ATP9A: variants seen among roughly 807,000 people sequenced by gnomAD.
ATP9A encodes the protein probable phospholipid-transporting ATPase IIA.
ATP9A carries 52 observed loss-of-function variants against 144.1 expected under a neutral mutation model. That is an observed-to-expected ratio of 0.36 (90% CI 0.29 to 0.45). The LOEUF (loss-of-function observed/expected upper bound fraction) is 0.45, where lower values mean the gene tolerates loss of function less well. Among genes scored for constraint, ATP9A ranks in the 20% least tolerant of loss-of-function variants. ATP9A has a pLI of 1.00. For missense variants in ATP9A, 947 were observed against 1,392.7 expected, an observed-to-expected ratio of 0.68 and a Z score of 5.09; for synonymous variants, 582 against 557.4, an observed-to-expected ratio of 1.04 and a Z score of -0.62.
At chr20:51,767,643 T>G (rs1328743914) in intron 1 of ATP9A, among the ~76,000 whole-genome samples, 1 of 152,186 alleles carries the variant, frequency 6.6e-6, no homozygotes, top group African/African-American at 2.4e-5. Context: ...GCCGTGGGAT[T>G]CCTTCCCCGA....
intron 15 of ATP9A, among the ~76,000 whole-genome samples, chr20:51,636,270 A>G (rs539847605): frequency 6.6e-6 from 1 of 152,252 alleles, no homozygotes; most frequent in African/African-American, 2.4e-5. Context: ...GGGAGGATGG[A>G]GTGGGATGGC....
At chr20:51,668,337 G>A (rs900396638) in intron 13 of ATP9A, among the ~76,000 whole-genome samples, 4 of 151,704 alleles carry the variant, frequency 2.6e-5, no homozygotes, top group African/African-American at 4.8e-5. Context: ...TTTAGGAGAT[G>A]AGGGAAGAAA....
chr20:51,665,535 A>G (rs747291281), intron 13 of ATP9A, among the ~76,000 whole-genome samples: 4 of 152,078 alleles, frequency 2.6e-5, no homozygotes, highest in Admixed American at 6.6e-5. Flanking sequence ...CCTGGCCAAC[A>G]TGGTGAAACC....
intron 1 of ATP9A, among the ~76,000 whole-genome samples, chr20:51,742,308 G>T (rs2077788426): frequency 7.1e-6 from 1 of 141,612 alleles, no homozygotes; most frequent in African/African-American, 2.7e-5. Context: ...CTAGGGGACA[G>T]AGCAAAACAC....
In ATP9A at chr20:51,625,245, G is replaced by A. The variant is rs1191299367; in HGVS notation, c.1963C>T (p.Leu655=). The A allele has an allele frequency of 1.2e-6, 2 of 1,614,154 alleles. No homozygotes were observed. The highest frequency in any genetic ancestry group is 1.3e-5 in the African/African-American group (1 of 75,070). The change falls in exon 18 of 28, where the codon CTG becomes TTG. Residue 655 remains leucine, a synonymous_variant. Coordinates refer to ENST00000338821, the MANE Select transcript of ATP9A (RefSeq NM_006045.3). ...LLCLTGVEDQ[L]QADVRPTLET... Reference sequence around the variant, plus strand: ...AGCGTGGGCCGCACATCTGCCTGCAGCTGGTCCTCCACGCCCGTCAGGCAC... The same window carrying A: ...AGCGTGGGCCGCACATCTGCCTGCAACTGGTCCTCCACGCCCGTCAGGCAC...
At chr20:51,763,456 G>C (rs1452489575) in intron 1 of ATP9A, among the ~76,000 whole-genome samples, 3 of 151,724 alleles carry the variant, frequency 2.0e-5, no homozygotes, top group Non-Finnish European at 4.4e-5. Flanking sequence ...GGGACTACAA[G>C]TGCCCGCCAC....
chr20:51,620,854 T>G (rs1430725603), intron 19 of ATP9A, among the ~76,000 whole-genome samples: 1 of 151,980 alleles, frequency 6.6e-6, no homozygotes, highest in Non-Finnish European at 1.5e-5. Flanking sequence ...GCTAAAATTT[T>G]AAGCCACTCT....
chr20:51,624,732 C>T (rs1029888096), intron 18 of ATP9A, among the ~76,000 whole-genome samples: 4 of 152,110 alleles, frequency 2.6e-5, no homozygotes, highest in Non-Finnish European at 4.4e-5. Flanking sequence ...GAGGGCCAGG[C>T]ACAGTGGCTC....
chr20:51,746,110 A>C (rs2077806945), intron 1 of ATP9A, among the ~76,000 whole-genome samples: 1 of 152,204 alleles, frequency 6.6e-6, no homozygotes, highest in African/African-American at 2.4e-5. Flanking sequence ...CTCACTTATA[A>C]GTAGGAGCTA....
intron 13 of ATP9A, among the ~76,000 whole-genome samples, chr20:51,666,589 A>C (rs1373924465): frequency 6.6e-6 from 1 of 151,694 alleles, no homozygotes; most frequent in Non-Finnish European, 1.5e-5. Context: ...GCTGAGGCAG[A>C]GAATTGCTTG....
At chr20:51,710,564 C>T (rs1269988620) in intron 4 of ATP9A, among the ~76,000 whole-genome samples, 4 of 152,196 alleles carry the variant, frequency 2.6e-5, no homozygotes, top group Non-Finnish European at 5.9e-5. Context: ...GCCTCGATCA[C>T]TTTCCAAGCT....
At chr20:51,753,581 T>C (rs556655630) in intron 1 of ATP9A, among the ~76,000 whole-genome samples, 4 of 152,224 alleles carry the variant, frequency 2.6e-5, no homozygotes, top group East Asian at 1.9e-4. Flanking sequence ...TTTGTGTTCA[T>C]TGTGATTGTC....
At chr20:51,636,008 C>T (rs1380785944) in intron 15 of ATP9A, among the ~76,000 whole-genome samples, 1 of 151,864 alleles carries the variant, frequency 6.6e-6, no homozygotes, top group African/African-American at 2.4e-5. Context: ...ATAATACTGA[C>T]CCCATATACA....
At chr20:51,671,371 C>A (rs1276933893) in intron 11 of ATP9A, 114 bp from the exon 12 acceptor site, 3 of 1,250,952 alleles carry the variant, frequency 2.4e-6, no homozygotes, top group Non-Finnish European at 3.3e-6. Context: ...TCACTCCCTG[C>A]AGAAGCACAC....
At chr20:51,696,973 C>G (rs1436025017) in intron 5 of ATP9A, among the ~76,000 whole-genome samples, 2 of 152,044 alleles carry the variant, frequency 1.3e-5, no homozygotes, top group Non-Finnish European at 2.9e-5. Context: ...TTTTACTGTT[C>G]TCAGGTTACA....
intron 3 of ATP9A, among the ~76,000 whole-genome samples, chr20:51,713,379 C>T (rs1456808500): frequency 3.3e-5 from 5 of 152,158 alleles, no homozygotes; most frequent in African/African-American, 1.2e-4. Context: ...CAGGAATACT[C>T]AAACTGTCCC....
At chr20:51,623,801 A>AAAAAAAAG (rs558189054) in intron 18 of ATP9A, among the ~76,000 whole-genome samples, 10 of 133,402 alleles carry the variant, frequency 7.5e-5, no homozygotes, top group African/African-American at 9.0e-5. Flanking sequence ...AAAAAAAAAA[A>AAAAAAAAG]AAAGAAAGAA....
intron 14 of ATP9A, among the ~76,000 whole-genome samples, chr20:51,649,677 G>A (rs1023742569): frequency 1.3e-5 from 2 of 152,194 alleles, no homozygotes; most frequent in South Asian, 2.1e-4. Context: ...CACTGTGGGA[G>A]GCCAAGGCGG....
intron 13 of ATP9A, among the ~76,000 whole-genome samples, chr20:51,667,997 AG>A (rs1200827058): frequency 6.9e-6 from 1 of 144,822 alleles, no homozygotes; most frequent in Non-Finnish European, 1.5e-5. Context: ...TGAGCCCAGA[AG>A]TTTGAGGCTG....
Sources: gnomAD v4.1 joint callset for allele counts (sites outside exome capture counted in the v4.1 genomes callset) on GRCh38, gnomAD v4.1.1 for gene constraint, MANE v1.5 for transcripts, NCBI Gene and HGNC (gene_info 2026-07-23, HGNC 2026-07-21) for gene names.